Variants in INTS8 observed in about 807,000 individuals in gnomAD.
INTS8 encodes the protein integrator complex subunit 8, also known as protein kaonashi-1.
In INTS8, 47 loss-of-function variants were observed where a neutral mutation model predicts 138.9. The ratio of observed to expected loss-of-function variants is 0.34; its 90% CI spans 0.27 to 0.43. INTS8 has a LOEUF of 0.43. INTS8 is among the 20% of genes least tolerant of loss of function. The pLI is 1.00. For synonymous variants in INTS8, 392 were observed against 400.9 expected (o/e 0.98, Z 0.27); for missense variants, 996 against 1,173.0 (o/e 0.85, Z 2.20).
intron 10 of INTS8, among the ~76,000 whole-genome samples, chr8:94,846,856 T>C (rs1003202890): frequency 7.9e-5 from 12 of 152,244 alleles, no homozygotes; most frequent in Non-Finnish European, 5.9e-5. Flanking sequence ...AATGGTCACA[T>C]AATTTCTCTC....
At chr8:94,840,935 T>C (rs1422875262) in intron 8 of INTS8, among the ~76,000 whole-genome samples, 50 of 140,668 alleles carry the variant, frequency 3.6e-4, no homozygotes, top group African/African-American at 1.3e-3. Context: ...TTTTTTGAGA[T>C]GGAGTATTGC....
chr8:94,848,198 A>C (rs1257865057), intron 10 of INTS8, among the ~76,000 whole-genome samples: 1 of 151,872 alleles, frequency 6.6e-6, no homozygotes, highest in Non-Finnish European at 1.5e-5. Flanking sequence ...TTTTTAGTAG[A>C]GACGAGGTTT....
At chr8:94,843,874 T>C (rs1002387028) in intron 10 of INTS8, among the ~76,000 whole-genome samples, 8 of 152,204 alleles carry the variant, frequency 5.3e-5, no homozygotes, top group Admixed American at 5.2e-4. Flanking sequence ...ACATTTGATA[T>C]TGTCAGATCG....
At chr8:94,867,227 T>C in intron 19 of INTS8, 31 bp downstream of exon 19, 1 of 1,600,418 alleles carries the variant, frequency 6.2e-7, no homozygotes, top group Non-Finnish European at 8.5e-7. Context: ...TTTAGAAAAA[T>C]TTAAAAGAAA....
chr8:94,829,349 G>T (rs1334761766), intron 5 of INTS8, among the ~76,000 whole-genome samples: 1 of 151,812 alleles, frequency 6.6e-6, no homozygotes, highest in African/African-American at 2.4e-5. Context: ...GACAGTGACA[G>T]ATCATCAGGC....
chr8:94,831,140 A>T (rs895503088), intron 5 of INTS8, among the ~76,000 whole-genome samples: 26 of 144,456 alleles, frequency 1.8e-4, no homozygotes, highest in African/African-American at 6.4e-4. Context: ...TTTAGACAGA[A>T]TATTACTCTG....
At chr8:94,832,740 C>T (rs561697564) in intron 6 of INTS8, among the ~76,000 whole-genome samples, 214 of 152,064 alleles carry the variant, frequency 1.4e-3, no homozygotes, top group African/African-American at 5.0e-3. Context: ...CTGCAAACTC[C>T]GCCTCCCGGG....
intron 20 of INTS8, 152 bp from the exon 21 acceptor site, chr8:94,871,732 G>T: frequency 1.7e-6 from 1 of 572,560 alleles, no homozygotes; most frequent in Non-Finnish European, 3.0e-6. Flanking sequence ...TAGTTGTGTT[G>T]ATAGTTCTTA....
intron 3 of INTS8, 27 bp from the exon 4 acceptor site, chr8:94,827,695 A>G (rs771425594): frequency 3.2e-6 from 5 of 1,579,736 alleles, no homozygotes; most frequent in Non-Finnish European, 4.3e-6. Flanking sequence ...AATGTATGAA[A>G]TTTTCTTTTT....
In INTS8 at chr8:94,836,648, T is replaced by C. The variant is rs921913564; in HGVS notation, c.861+17T>C. 7 of 1,454,838 alleles carry C rather than the reference T, an allele frequency of 4.8e-6. No individual in the cohort carries two copies. The Admixed American group carries it at 5.1e-5, about 11-fold the overall frequency. 90.1% of individuals were successfully genotyped at this position (1,454,838 alleles called of 1,614,324 possible). On this transcript the variant is annotated intron_variant, in intron 7 of 26. Coordinates refer to ENST00000523731, the MANE Select transcript of INTS8 (RefSeq NM_017864.4). Reference sequence around the variant, plus strand: ...ATTGCAGAGGTAAATCCAGTCATAATAGGAACTTAATGTTCAGTTCTTTAA... The same window carrying C: ...ATTGCAGAGGTAAATCCAGTCATAACAGGAACTTAATGTTCAGTTCTTTAA...
intron 15 of INTS8, among the ~76,000 whole-genome samples, chr8:94,858,716 AG>A (rs1225259552): frequency 6.6e-6 from 1 of 152,246 alleles, no homozygotes; most frequent in Non-Finnish European, 1.5e-5. Flanking sequence ...ACAGTCACAC[AG>A]GAAGAGACAG....
At chr8:94,841,693 T>C (rs1815139446) in intron 9 of INTS8, 102 bp downstream of exon 9, 3 of 656,948 alleles carry the variant, frequency 4.6e-6, no homozygotes, top group Non-Finnish European at 2.7e-6. Context: ...CTCTGTGACA[T>C]TATTTTCATG....
At chr8:94,836,463 T>TC in intron 6 of INTS8, 61 bp from the exon 7 acceptor site, 1 of 1,299,066 alleles carries the variant, frequency 7.7e-7, no homozygotes, top group South Asian at 1.2e-5. Flanking sequence ...CAGTTTTGGT[T>TC]CTGTCACCTC....
rs537165688 is a variant in INTS8 at position 94,829,850 on chromosome 8, AACAT to A, written c.570+825_570+828del. Among the ~76,000 whole-genome samples the A allele has an allele frequency of 2.6e-5, 4 of 152,318 alleles. No homozygotes were observed. In the South Asian group the frequency reaches 8.3e-4, roughly 32 times the overall value. On this transcript the variant is annotated intron_variant, in intron 5 of 26. Transcript: ENST00000523731. Reference sequence around the variant, plus strand: ...TGTATTTTCTAAAAACTCTATGACAAACATGTATAGTTTATATTTTAAAATTACT... The same window carrying A: ...TGTATTTTCTAAAAACTCTATGACAAGTATAGTTTATATTTTAAAATTACT...
At chr8:94,844,166 G>GTAGC (rs1225026916) in intron 10 of INTS8, among the ~76,000 whole-genome samples, 1 of 152,028 alleles carries the variant, frequency 6.6e-6, no homozygotes, top group East Asian at 1.9e-4. Context: ...AGCCTCCTGA[G>GTAGC]TAGCTAGGAC....
At chr8:94,844,471 C>T (rs576831747) in intron 10 of INTS8, among the ~76,000 whole-genome samples, 239 of 152,256 alleles carry the variant, frequency 1.6e-3, no homozygotes, top group African/African-American at 5.5e-3. Flanking sequence ...TGCCCACCAC[C>T]ACGCCCTGCT....
At chr8:94,872,849 G>C (rs774075717) in intron 21 of INTS8, among the ~76,000 whole-genome samples, 10 of 152,196 alleles carry the variant, frequency 6.6e-5, no homozygotes, top group Middle Eastern at 3.4e-3. Flanking sequence ...CTAATGAGTT[G>C]AATTTTTTAA....
chr8:94,824,034 CT>C (rs1814387372), intron 1 of INTS8, among the ~76,000 whole-genome samples: 1 of 152,124 alleles, frequency 6.6e-6, no homozygotes, highest in East Asian at 1.9e-4. Context: ...TTTATTGACT[CT>C]TATTCCAAAG....
At chr8:94,834,483 G>A (rs557873337) in intron 6 of INTS8, among the ~76,000 whole-genome samples, 56 of 151,898 alleles carry the variant, frequency 3.7e-4, no homozygotes, top group East Asian at 3.3e-3. Flanking sequence ...CAAGATGAGC[G>A]GATCACCTGA....
Sources: gnomAD v4.1 joint callset for allele counts (sites outside exome capture counted in the v4.1 genomes callset) on GRCh38, gnomAD v4.1.1 for gene constraint, MANE v1.5 for transcripts, NCBI Gene and HGNC (gene_info 2026-07-23, HGNC 2026-07-21) for gene names.